ZNF454: variants seen among roughly 807,000 people sequenced by gnomAD.
The protein encoded by ZNF454 is zinc finger protein 454.
ZNF454 carries 30 observed loss-of-function variants against 48.2 expected under a neutral mutation model. That is an observed-to-expected ratio of 0.62 (90% confidence interval 0.47 to 0.84). The LOEUF (loss-of-function observed/expected upper bound fraction) is 0.84. Among genes scored for constraint, ZNF454 ranks in the 40% least tolerant of loss-of-function variants. The pLI is 0.00. For synonymous variants in ZNF454, 204 were observed against 211.4 expected, an observed-to-expected ratio of 0.97 and a Z score of 0.30; for missense variants, 510 against 623.1, an observed-to-expected ratio of 0.82 and a Z score of 1.93.
At chr5:178,985,607 G>C in the ZNF454 span, 2 of 354,618 alleles carry the variant, frequency 5.6e-6, no homozygotes, top group Non-Finnish European at 1.1e-5. Flanking sequence ...GGAGGCTGAG[G>C]CAGGAGAATG....
downstream of ZNF454, chr5:178,969,741 G>C (rs4700759): frequency 0.98 from 428,338 of 438,454 alleles, 210,001 homozygotes; most frequent in East Asian, 1. Flanking sequence ...ACCTCGGAGC[G>C]TTCCGAGACC....
chr5:178,985,497 A>G, the ZNF454 span: 4 of 344,054 alleles, frequency 1.2e-5, no homozygotes, highest in Non-Finnish European at 2.3e-5. Flanking sequence ...AGGTCAGGAG[A>G]TCGAGACCAT....
the ZNF454 span, chr5:178,976,059 C>T: frequency 1.6e-5 from 7 of 438,950 alleles, no homozygotes; most frequent in African/African-American, 1.4e-4. Context: ...TTTGCTTGGT[C>T]CCCAAAACAC....
the ZNF454 span, among the ~76,000 whole-genome samples, chr5:178,972,026 T>C: frequency 0.99 from 150,232 of 152,194 alleles, 74,186 homozygotes; most frequent in Non-Finnish European, 1. Context: ...CTCAGCCTCC[T>C]GGGTTCAAGT....
At chr5:178,954,074 C>T (rs549453388) in intron 4 of ZNF454, among the ~76,000 whole-genome samples, 18 of 152,158 alleles carry the variant, frequency 1.2e-4, no homozygotes, top group African/African-American at 3.6e-4. Flanking sequence ...GCCTGGCTGA[C>T]GTGGCAAAAC....
the ZNF454 span, chr5:178,985,300 C>T: frequency 4.4e-6 from 2 of 455,668 alleles, no homozygotes; most frequent in Non-Finnish European, 8.8e-6. Flanking sequence ...GGCCCACACT[C>T]CCCACCTGAC....
the ZNF454 span, chr5:178,985,496 G>A: frequency 1.9e-4 from 64 of 344,248 alleles, no homozygotes; most frequent in East Asian, 4.9e-4. Flanking sequence ...GAGGTCAGGA[G>A]ATCGAGACCA....
At chr5:178,987,982 A>G in the ZNF454 span, among the ~76,000 whole-genome samples, 1 of 150,530 alleles carries the variant, frequency 6.6e-6, no homozygotes, top group Non-Finnish European at 1.5e-5. Flanking sequence ...CTGGTCTCGA[A>G]CTCCTGACCT....
At chr5:178,951,640 C>A (rs1388391859) in intron 4 of ZNF454, among the ~76,000 whole-genome samples, 1 of 152,242 alleles carries the variant, frequency 6.6e-6, no homozygotes, top group Admixed American at 6.5e-5. Flanking sequence ...ACTTTTCCTT[C>A]AGTGATATAC....
At chr5:178,948,168 G>C (rs2113200765) in intron 4 of ZNF454, 1 of 152,212 alleles carries the variant, frequency 6.6e-6, no homozygotes, top group Non-Finnish European at 1.5e-5. Flanking sequence ...GCCCCCCTCA[G>C]CCTCCCAGAG....
the ZNF454 span, chr5:178,985,389 C>G: frequency 2.7e-6 from 1 of 374,850 alleles, no homozygotes; most frequent in East Asian, 8.1e-5. Flanking sequence ...GGAGGGGCTC[C>G]ATTTCCTGTG....
At chr5:178,975,847 C>T in the ZNF454 span, 1 of 308,906 alleles carries the variant, frequency 3.2e-6, no homozygotes, top group Non-Finnish European at 6.6e-6. Flanking sequence ...AGGAGATTTA[C>T]CCCCAATCAT....
intron 4 of ZNF454, among the ~76,000 whole-genome samples, chr5:178,954,935 G>A (rs554288900): frequency 1.4e-3 from 215 of 152,296 alleles, no homozygotes; most frequent in Non-Finnish European, 2.3e-3. Context: ...GATGTACCAC[G>A]GTTTGCTCAT....
the ZNF454 span, chr5:178,981,473 GC>G: frequency 1.7e-6 from 1 of 594,836 alleles, no homozygotes; most frequent in South Asian, 2.0e-5. The surrounding 1 kb of genome is among the most constrained non-coding windows in gnomAD (Gnocchi z 5.1). Flanking sequence ...AAGCTCACAT[GC>G]TGGAATCGGG....
At chr5:178,971,039 G>T (rs900673321), downstream of ZNF454, among the ~76,000 whole-genome samples, 2 of 152,258 alleles carry the variant, frequency 1.3e-5, no homozygotes, top group Non-Finnish European at 2.9e-5. Flanking sequence ...AGATGCTGTT[G>T]TAAGAACTTT....
the ZNF454 span, chr5:178,985,311 TG>T: frequency 2.0e-4 from 89 of 454,306 alleles, no homozygotes; most frequent in Non-Finnish European, 3.7e-4. Context: ...CCCACCTGAC[TG>T]CCCCGTTTTC....
chr5:178,965,267 C>T lies in ZNF454; in HGVS notation c.863C>T (p.Ala288Val). ...GCTTTTATCCGAAATATACACCTTG[C>T]CCATCATCATAGAATACATACTGGA... Reference protein sequence around the residue: ...GKAFIRNIHLAHHHRIHTGEK... With the variant: ...GKAFIRNIHLVHHHRIHTGEK... Residue 288 changes from alanine (A) to valine (V), a missense_variant, in exon 5 of 5, where the codon GCC (alanine) becomes GTC (valine). Ala to Val is a moderately conservative substitution (Grantham distance 64). Around this residue, in one of 3 missense-constraint regions of ZNF454, gnomAD observed 354 missense variants for 408.9 expected, o/e 0.87. Coordinates refer to ENST00000519564, the MANE Select transcript of ZNF454 (RefSeq NM_001178089.3). The surrounding 1 kb of genome is among the most constrained non-coding windows in gnomAD (Gnocchi z 5.2). The T allele has an allele frequency of 6.2e-7, 1 of 1,614,170 alleles. No individual in the cohort carries two copies. Among genetic ancestry groups the T allele is most frequent in the Non-Finnish European group, 8.5e-7 (1 of 1,180,026 alleles).
At chr5:178,985,618 G>C in the ZNF454 span, 5 of 363,380 alleles carry the variant, frequency 1.4e-5, no homozygotes, top group South Asian at 1.0e-4. Context: ...CAGGAGAATG[G>C]CGTGAACCCG....
intron 4 of ZNF454, among the ~76,000 whole-genome samples, chr5:178,947,334 C>G: frequency 6.6e-6 from 1 of 152,234 alleles, no homozygotes; most frequent in Middle Eastern, 3.2e-3. Context: ...GCCTGCCCTT[C>G]TCTCATGAGG....
Sources: allele counts gnomAD v4.1 joint callset (sites outside exome capture counted in the v4.1 genomes callset), GRCh38; gene constraint gnomAD v4.1.1; regional missense constraint gnomAD v4.1.1; non-coding constraint Gnocchi (gnomAD v3.1); transcripts MANE v1.5; gene names NCBI Gene and HGNC (gene_info 2026-07-23, HGNC 2026-07-21).